Variants in OSCP1 observed in about 807,000 individuals in gnomAD.
The protein encoded by OSCP1 is organic solute carrier partner 1.
Under a neutral mutation model 45.1 loss-of-function variants are expected in OSCP1, and 35 were observed. That is an observed-to-expected ratio of 0.78 (90% CI 0.59 to 1.03). The LOEUF (loss-of-function observed/expected upper bound fraction) is 1.03. OSCP1 is among the 50% of genes least tolerant of loss of function. The pLI is 0.00. For synonymous variants in OSCP1, 179 were observed against 180.1 expected (o/e 0.99, Z 0.05); for missense variants, 400 against 470.7 (o/e 0.85, Z 1.39).
intron 4 of OSCP1, among the ~76,000 whole-genome samples, chr1:36,427,005 C>T (rs1181343347): frequency 4.1e-5 from 6 of 146,970 alleles, no homozygotes; most frequent in Non-Finnish European, 7.5e-5. Flanking sequence ...GGTGCCTGGC[C>T]TCTTTTTTTT....
intron 4 of OSCP1, chr1:36,428,521 A>G (rs776575691): frequency 1.8e-5 from 28 of 1,547,746 alleles, no homozygotes; most frequent in Non-Finnish European, 2.3e-5. Context: ...ATGCTGTTTC[A>G]GTTAATCCAA....
intron 2 of OSCP1, among the ~76,000 whole-genome samples, chr1:36,438,317 C>CAA (rs35430845): frequency 0.23 from 16,690 of 73,648 alleles, 1,927 homozygotes; most frequent in East Asian, 0.5. Context: ...AACTCCATCT[C>CAA]AAAAAAAAAA....
Position 36,447,672 on chromosome 1 carries a change from C to T in OSCP1, c.112+2586G>A, listed in dbSNP as rs926786740. ...CTGTAAAATGGGGATAGTAATATTA[C>T]CTATGTGTTACAATAGTTGGGAGGA... On this transcript the variant is annotated intron_variant, in intron 1 of 9. Transcript: ENST00000235532. This position sits in a 1 kb window ranked among gnomAD's most constrained non-coding sequence, Gnocchi z 4.1. The T allele has an allele frequency of 1.6e-5, 3 of 187,452 alleles. No individual in the cohort carries two copies. In the East Asian group the frequency reaches 4.1e-4, roughly 26 times the overall value. 11.6% of individuals were successfully genotyped at this position (187,452 alleles called of 1,614,324 possible). A position where few individuals can be genotyped will look rare whatever the true frequency, so the allele number is the denominator to read the frequency against.
chr1:36,436,886 C>T (rs1648783752), intron 2 of OSCP1, among the ~76,000 whole-genome samples: 2 of 152,168 alleles, frequency 1.3e-5, no homozygotes, highest in Admixed American at 6.5e-5. Flanking sequence ...GTTTTGAGTA[C>T]TGGTCAGGTA....
At chr1:36,423,327 C>A in intron 5 of OSCP1, 36 bp downstream of exon 5, 1 of 1,519,318 alleles carries the variant, frequency 6.6e-7, no homozygotes. Context: ...TTTCCTAGCA[C>A]CCCAAACATA....
chr1:36,433,899 G>A (rs1387980656), intron 2 of OSCP1, among the ~76,000 whole-genome samples: 1 of 152,164 alleles, frequency 6.6e-6, no homozygotes, highest in Non-Finnish European at 1.5e-5. Context: ...AATGTTGTTG[G>A]AGCAATCCAG....
At position 36,438,906 on chromosome 1, in the gene OSCP1, C is replaced by A; in HGVS notation, c.117G>T (p.Leu39=). 6.2e-7 allele frequency: 1 copy of A among 1,613,548 alleles called. No homozygotes were observed. Among genetic ancestry groups the A allele is most frequent in the South Asian group, 1.1e-5 (1 of 90,974 alleles). ...TGAACATGGTGGAGATGATGTCATT[C>A]AGAACTGCAGAGACAAGAGAGAACA... ...NIPGDKARKV[L]NDIISTMFNR... is the part of the protein sequence containing the mutation. The change falls in exon 2 of 10, where the codon CTG becomes CTT. Residue 39 remains leucine (L), a synonymous_variant. Coordinates refer to ENST00000235532, the MANE Select transcript of OSCP1 (RefSeq NM_145047.5).
intron 1 of OSCP1, among the ~76,000 whole-genome samples, chr1:36,446,660 C>A (rs1216651676): frequency 1.3e-5 from 2 of 152,034 alleles, no homozygotes; most frequent in East Asian, 3.8e-4. Context: ...GGGGGCAGGC[C>A]CAAGGCTATT....
chr1:36,441,386 A>G (rs1307641188), intron 1 of OSCP1, among the ~76,000 whole-genome samples: 1 of 152,178 alleles, frequency 6.6e-6, no homozygotes, highest in East Asian at 1.9e-4. Flanking sequence ...GAGGAAGGAG[A>G]TGTTATCCTG....
chr1:36,421,460 T>C (rs1647612461), intron 7 of OSCP1, among the ~76,000 whole-genome samples: 1 of 152,206 alleles, frequency 6.6e-6, no homozygotes, highest in Admixed American at 6.5e-5. Flanking sequence ...TCTTGATCCC[T>C]GTGATCCCTG....
chr1:36,425,733 GAA>G (rs757643959), intron 4 of OSCP1, among the ~76,000 whole-genome samples: 2,992 of 115,020 alleles, frequency 0.026, 94 homozygotes, highest in African/African-American at 0.086. Context: ...ACTCTATCTG[GAA>G]AAAAAAAAAA....
intron 8 of OSCP1, among the ~76,000 whole-genome samples, chr1:36,419,977 C>T (rs1333729238): frequency 1.5e-5 from 2 of 136,252 alleles, no homozygotes; most frequent in Non-Finnish European, 3.2e-5. Flanking sequence ...CACACCGTCT[C>T]TTTTTTTTTT....
intron 6 of OSCP1, 104 bp downstream of exon 6, chr1:36,422,664 C>G: frequency 8.4e-7 from 1 of 1,194,086 alleles, no homozygotes; most frequent in Non-Finnish European, 1.1e-6. Flanking sequence ...CTCCTATTGT[C>G]GGCAGGGATT....
chr1:36,420,184 G>A (rs1647529141), intron 8 of OSCP1: 1 of 212,394 alleles, frequency 4.7e-6, no homozygotes, highest in South Asian at 1.2e-4. Context: ...CACCATGTTA[G>A]CCAGGATGGC....
At chr1:36,431,265 T>A (rs188883332) in intron 4 of OSCP1, among the ~76,000 whole-genome samples, 3 of 150,974 alleles carry the variant, frequency 2.0e-5, no homozygotes, top group African/African-American at 7.3e-5. Flanking sequence ...GACAAAAGGG[T>A]GAGGAAGGAG....
intron 4 of OSCP1, among the ~76,000 whole-genome samples, chr1:36,425,317 G>A (rs1237404690): frequency 6.6e-6 from 1 of 152,144 alleles, no homozygotes; most frequent in Non-Finnish European, 1.5e-5. Flanking sequence ...CCACTTCTGG[G>A]TTTTTGGGAA....
At chr1:36,431,734 A>C in intron 4 of OSCP1, 68 bp downstream of exon 4, 1 of 1,497,538 alleles carries the variant, frequency 6.7e-7, no homozygotes, top group Non-Finnish European at 9.2e-7. Context: ...GTTTGCCCTC[A>C]TGACTACCAG....
rs924550391 is a variant in OSCP1, at chr1:36,430,415, T to C, written c.516+1387A>G. Among the ~76,000 whole-genome samples the C allele has an allele frequency of 4.6e-5, 7 of 152,126 alleles. No individual in the cohort carries two copies. In the South Asian group the frequency reaches 6.2e-4, roughly 14 times the overall value. ...GCAAGGCAGGAGGAGAGGGGCCCAG[T>C]TGGGAAGCATAGCCCACAAGAGTAT... On this transcript the variant is annotated intron_variant, in intron 4 of 9. Coordinates refer to ENST00000235532, the MANE Select transcript of OSCP1 (RefSeq NM_145047.5).
At chr1:36,440,115 A>G (rs578012456) in intron 1 of OSCP1, among the ~76,000 whole-genome samples, 3 of 152,272 alleles carry the variant, frequency 2.0e-5, no homozygotes, top group Non-Finnish European at 4.4e-5. Context: ...TTATTGAAAT[A>G]TAGAAATTCC....
Sources: allele counts gnomAD v4.1 joint callset (sites outside exome capture counted in the v4.1 genomes callset), GRCh38; gene constraint gnomAD v4.1.1; non-coding constraint Gnocchi (gnomAD v3.1); transcripts MANE v1.5; gene names NCBI Gene and HGNC (gene_info 2026-07-23, HGNC 2026-07-21).